The following SYT1 variants were observed in gnomAD, a reference collection of about 807,000 sequenced individuals.
SYT1 encodes the protein synaptotagmin 1, also known as synaptotagmin-1.
In SYT1, 8 loss-of-function variants were observed where a neutral mutation model predicts 44.8. The observed-to-expected ratio is 0.18, with a 90% CI of 0.10 to 0.32. SYT1 has a LOEUF of 0.32. Among genes scored for constraint, SYT1 ranks in the 10% least tolerant of loss-of-function variants. SYT1 has a pLI of 1.00. For missense variants in SYT1, 286 were observed against 509.3 expected, an observed-to-expected ratio of 0.56 and a Z score of 4.22; for synonymous variants, 154 against 188.8, an observed-to-expected ratio of 0.82 and a Z score of 1.51.
chr12:79,081,775 C>T, intron 3 of SYT1, among the ~76,000 whole-genome samples: 1 of 152,214 alleles, frequency 6.6e-6, no homozygotes, highest in East Asian at 1.9e-4. Context: ...TTCTTCCTAT[C>T]AAATTTAAAA....
chr12:78,869,254 T>G (rs2137031900), intron 1 of SYT1, among the ~76,000 whole-genome samples: 1 of 152,082 alleles, frequency 6.6e-6, no homozygotes, highest in South Asian at 2.1e-4. Context: ...CTGGTCATTT[T>G]AAGAGTGTTC....
chr12:79,167,923 G>C (rs998522224), intron 3 of SYT1, among the ~76,000 whole-genome samples: 9 of 151,946 alleles, frequency 5.9e-5, no homozygotes, highest in African/African-American at 2.2e-4. Flanking sequence ...TCCCTCACAT[G>C]TGCAGTCTAC....
intron 8 of SYT1, among the ~76,000 whole-genome samples, chr12:79,305,455 A>T (rs1565899736): frequency 6.6e-6 from 1 of 152,252 alleles, no homozygotes; most frequent in East Asian, 1.9e-4. Context: ...GTTCATCTTC[A>T]TTAAAGCTTA....
chr12:79,340,661 C>G (rs1882326490), intron 8 of SYT1, among the ~76,000 whole-genome samples: 1 of 152,164 alleles, frequency 6.6e-6, no homozygotes, highest in Middle Eastern at 3.2e-3. Flanking sequence ...CCCTTTATTT[C>G]TTTCCCTTGC....
At chr12:79,199,239 T>C (rs555336552) in intron 3 of SYT1, among the ~76,000 whole-genome samples, 1 of 152,310 alleles carries the variant, frequency 6.6e-6, no homozygotes, top group African/African-American at 2.4e-5. Context: ...ACAAAGTGCA[T>C]CTTAATCAGC....
intron 3 of SYT1, among the ~76,000 whole-genome samples, chr12:79,178,928 ATC>A (rs1469772477): frequency 1.2e-4 from 11 of 88,094 alleles, no homozygotes; most frequent in African/African-American, 6.1e-4. Context: ...ATATAGATAT[ATC>A]TATATAGATA....
At chr12:79,271,232 AT>A (rs1272368443) in intron 4 of SYT1, among the ~76,000 whole-genome samples, 1 of 152,210 alleles carries the variant, frequency 6.6e-6, no homozygotes, top group Non-Finnish European at 1.5e-5. Flanking sequence ...CTTTTAAAAT[AT>A]ATATATGTCA....
At chr12:79,341,311 T>C (rs1592982054) in intron 8 of SYT1, 1 of 152,136 alleles carries the variant, frequency 6.6e-6, no homozygotes, top group South Asian at 2.1e-4. Flanking sequence ...TCTTGGCAGG[T>C]AGGGCTCTGC....
intron 3 of SYT1, among the ~76,000 whole-genome samples, chr12:79,085,857 C>T (rs914144048): frequency 6.6e-5 from 10 of 152,074 alleles, no homozygotes; most frequent in Admixed American, 2.0e-4. Context: ...CCCAAATCCT[C>T]AGAGACATTT....
chr12:78,978,971 T>G (rs778359523), intron 2 of SYT1, among the ~76,000 whole-genome samples: 2 of 152,186 alleles, frequency 1.3e-5, no homozygotes, highest in Non-Finnish European at 2.9e-5. Context: ...ATTTTTCACC[T>G]TTTAGGAATA....
chr12:78,937,794 G>A (rs1194857954), intron 1 of SYT1, among the ~76,000 whole-genome samples: 1 of 152,094 alleles, frequency 6.6e-6, no homozygotes, highest in African/African-American at 2.4e-5. Flanking sequence ...AAATAATTCA[G>A]AATAAATTTG....
At chr12:78,868,042 C>T (rs1230687705) in intron 1 of SYT1, among the ~76,000 whole-genome samples, 2 of 151,732 alleles carry the variant, frequency 1.3e-5, no homozygotes, top group Non-Finnish European at 3.0e-5. Context: ...TGAGAAAATT[C>T]CCAAAACAGT....
intron 1 of SYT1, among the ~76,000 whole-genome samples, chr12:78,921,801 T>C (rs187727166): frequency 8.5e-4 from 129 of 152,070 alleles, no homozygotes; most frequent in Admixed American, 1.7e-3. Context: ...TTCTGCTATG[T>C]CTTTAATGAC....
At chr12:79,205,034 G>A (rs1421172072) in intron 3 of SYT1, among the ~76,000 whole-genome samples, 2 of 144,062 alleles carry the variant, frequency 1.4e-5, no homozygotes, top group Non-Finnish European at 3.0e-5. Flanking sequence ...GTGCAATCTC[G>A]GCTCACTGCA....
chr12:79,106,913 A>G (rs1264698903), intron 3 of SYT1, among the ~76,000 whole-genome samples: 1 of 152,118 alleles, frequency 6.6e-6, no homozygotes, highest in Non-Finnish European at 1.5e-5. Context: ...AAATATAAAT[A>G]AAAATTGTAT....
chr12:79,359,568 G>A (rs1378670712), intron 9 of SYT1, among the ~76,000 whole-genome samples: 3 of 152,150 alleles, frequency 2.0e-5, no homozygotes, highest in African/African-American at 4.8e-5. Context: ...TGAGGGAAAT[G>A]ATAGAGAGGG....
At chr12:79,282,227 T>C (rs938185815) in intron 4 of SYT1, among the ~76,000 whole-genome samples, 2 of 152,188 alleles carry the variant, frequency 1.3e-5, no homozygotes, top group African/African-American at 4.8e-5. Context: ...TATTCACAGC[T>C]TCCAGAAAAT....
intron 5 of SYT1, among the ~76,000 whole-genome samples, chr12:79,287,528 T>C (rs1438936271): frequency 6.6e-6 from 1 of 152,102 alleles, no homozygotes; most frequent in Non-Finnish European, 1.5e-5. Flanking sequence ...GTATGTTAAT[T>C]TTATCAATAT....
In SYT1 at chr12:79,059,870, T is replaced by C. The variant is rs1206855353; in HGVS notation, c.-18+12508T>C. Among the ~76,000 whole-genome samples the C allele has an allele frequency of 2.6e-5, 4 of 152,128 alleles. No homozygotes were observed. In the East Asian group the frequency reaches 7.7e-4, roughly 29 times the overall value. ...TGTGAAGTGCATTTTCATATCTATATTTCATAAATGAGGAGACAGATTCTG... is the reference window on the plus strand; with the variant it reads ...TGTGAAGTGCATTTTCATATCTATACTTCATAAATGAGGAGACAGATTCTG... On this transcript the variant is annotated intron_variant, in intron 3 of 10. Coordinates refer to ENST00000261205, the MANE Select transcript of SYT1 (RefSeq NM_005639.3).
Sources: allele counts gnomAD v4.1 joint callset (sites outside exome capture counted in the v4.1 genomes callset), GRCh38; gene constraint gnomAD v4.1.1; transcripts MANE v1.5; gene names NCBI Gene and HGNC (gene_info 2026-07-23, HGNC 2026-07-21).